The following ITSN2 variants were observed in gnomAD, a reference collection of about 807,000 sequenced individuals.
ITSN2 encodes the protein intersectin 2.
Under a neutral mutation model 243.7 loss-of-function variants are expected in ITSN2, and 156 were observed. The ratio of observed to expected loss-of-function variants is 0.64; its 90% CI spans 0.56 to 0.73. The LOEUF is 0.73. ITSN2 is among the 30% of genes least tolerant of loss of function. The pLI is 0.00. For missense variants in ITSN2, 1,801 were observed against 1,996.1 expected (o/e 0.90, Z 1.86); for synonymous variants, 703 against 699.9 (o/e 1.00, Z -0.07).
intron 16 of ITSN2, among the ~76,000 whole-genome samples, chr2:24,285,872 A>T (rs997555354): frequency 6.6e-6 from 1 of 152,218 alleles, no homozygotes; most frequent in Non-Finnish European, 1.5e-5. Context: ...CAAATTTTCC[A>T]TATTTCTCAT....
At chr2:24,322,079 CTTCT>C (rs1159997000) in intron 2 of ITSN2, among the ~76,000 whole-genome samples, 3 of 152,068 alleles carry the variant, frequency 2.0e-5, no homozygotes, top group Non-Finnish European at 4.4e-5. Context: ...GCTCATGTTC[CTTCT>C]AATTCAGATG....
chr2:24,210,737 A>G (rs375432130), intron 34 of ITSN2, 43 bp downstream of exon 34: 6 of 1,581,388 alleles, frequency 3.8e-6, no homozygotes, highest in Non-Finnish European at 3.5e-6. Context: ...TTCCCCACCC[A>G]GAGCCTCCCT....
chr2:24,300,320 T>A, intron 11 of ITSN2, 149 bp from the exon 12 acceptor site: 2 of 713,944 alleles, frequency 2.8e-6, no homozygotes, highest in Non-Finnish European at 2.2e-6. Flanking sequence ...CAAATCTAAG[T>A]GGAAAAATAT....
intron 23 of ITSN2, among the ~76,000 whole-genome samples, chr2:24,256,731 T>G (rs1383122194): frequency 6.6e-6 from 1 of 151,868 alleles, no homozygotes; most frequent in Non-Finnish European, 1.5e-5. Flanking sequence ...AGAACAGGCA[T>G]GAAGAAACTG....
intron 20 of ITSN2, among the ~76,000 whole-genome samples, chr2:24,262,180 C>T (rs185838203): frequency 3.9e-5 from 6 of 152,018 alleles, no homozygotes; most frequent in Admixed American, 3.3e-4. Context: ...GAAGATTGAC[C>T]TCTCTTTCAC....
intron 8 of ITSN2, among the ~76,000 whole-genome samples, chr2:24,305,427 C>A (rs1260533581): frequency 1.3e-5 from 2 of 151,962 alleles, no homozygotes; most frequent in East Asian, 1.9e-4. Flanking sequence ...CATGGCAAAA[C>A]CTGTCTCTAC....
intron 33 of ITSN2, among the ~76,000 whole-genome samples, chr2:24,212,047 C>A (rs540718383): frequency 6.6e-6 from 1 of 152,152 alleles, no homozygotes; most frequent in Admixed American, 6.5e-5. Context: ...AATGGTTAAT[C>A]GTGGGATAAT....
intron 29 of ITSN2, among the ~76,000 whole-genome samples, chr2:24,227,260 C>T (rs1388471683): frequency 7.2e-6 from 1 of 139,460 alleles, no homozygotes; most frequent in South Asian, 2.2e-4. Context: ...CACAGAAAAA[C>T]CAAGTCTCAT....
intron 19 of ITSN2, 53 bp downstream of exon 19, chr2:24,271,713 C>T: frequency 6.9e-7 from 1 of 1,456,634 alleles, no homozygotes; most frequent in Admixed American, 2.6e-5. Flanking sequence ...CTTATCAGGT[C>T]ATTTTTTTCT....
intron 29 of ITSN2, among the ~76,000 whole-genome samples, chr2:24,226,511 C>T (rs944752200): frequency 2.0e-5 from 3 of 152,174 alleles, no homozygotes; most frequent in African/African-American, 7.2e-5. Flanking sequence ...CAAAAATTGG[C>T]CAGGTATGGT....
chr2:24,271,798 T>A lies in ITSN2; in HGVS notation c.2225A>T (p.Asp742Val). Residue 742 changes from aspartate to valine, a missense_variant, in exon 19 of 40, where the codon GAT becomes GTT. Physicochemically the swap from Asp to Val is radical, Grantham distance 152 (BLOSUM62 -3). Transcript: ENST00000355123. The stretch of plus-strand genomic sequence containing the variant: ...CTCCTCAGCTTTCAAAGTATCCTTA[T>A]CCTTACGTTGTTTCTCCTCAGCTTT... ...ERKAEEKQRKDKDTLKAEEKK... is the reference protein window; with the variant it reads ...ERKAEEKQRKVKDTLKAEEKK... The A allele has an allele frequency of 6.2e-7, 1 of 1,604,746 alleles. No individual in the cohort carries two copies. The highest frequency in any genetic ancestry group is 8.5e-7 in the Non-Finnish European group (1 of 1,177,868).
intron 5 of ITSN2, 120 bp downstream of exon 5, chr2:24,312,092 A>C: frequency 1.3e-6 from 1 of 770,460 alleles, no homozygotes; most frequent in South Asian, 2.5e-5. Flanking sequence ...CTAACATGAA[A>C]ATTAACTTGG....
rs534993503 is a variant in ITSN2 at position 24,208,499 on chromosome 2, T to TA, written c.4596-181dup. 1.5e-3 allele frequency among the ~76,000 whole-genome samples: 227 copies of TA among 152,278 alleles called. 3 individuals are homozygous for TA. The highest frequency in any genetic ancestry group is 4.8e-3 in the African/African-American group (201 of 41,552). On this transcript the variant is annotated intron_variant, in intron 36 of 39. Coordinates refer to ENST00000355123, the MANE Select transcript of ITSN2 (RefSeq NM_006277.3). The stretch of plus-strand genomic sequence containing the variant: ...TATGCTAATGGAGTATGAGAGCTGG[T>TA]AGTGACCCTTCTTGGCTGACCACAA...
chr2:24,274,589 G>A (rs972772614), intron 18 of ITSN2, among the ~76,000 whole-genome samples: 2 of 152,052 alleles, frequency 1.3e-5, no homozygotes, highest in African/African-American at 4.8e-5. Context: ...TAAAGAAATG[G>A]GGGTCTAGGA....
chr2:24,334,020 G>A (rs1686071790), intron 1 of ITSN2, among the ~76,000 whole-genome samples: 2 of 151,970 alleles, frequency 1.3e-5, no homozygotes, highest in Non-Finnish European at 2.9e-5. Context: ...CTCTTAAGTA[G>A]CGGGGACTAC....
intron 31 of ITSN2, among the ~76,000 whole-genome samples, chr2:24,216,941 C>A (rs57065711): frequency 0.2 from 29,808 of 151,742 alleles, 3,373 homozygotes; most frequent in Non-Finnish European, 0.26. Flanking sequence ...AAAAATTAGC[C>A]GGGCGCAGTG....
At chr2:24,243,810 G>A (rs1224207416) in intron 29 of ITSN2, among the ~76,000 whole-genome samples, 2 of 152,114 alleles carry the variant, frequency 1.3e-5, no homozygotes, top group African/African-American at 4.8e-5. Context: ...GAGGCATGCT[G>A]TCTAATACAG....
chr2:24,205,371 A>G, intron 37 of ITSN2, 74 bp from the exon 38 acceptor site: 1 of 1,250,446 alleles, frequency 8.0e-7, no homozygotes, highest in Non-Finnish European at 1.2e-6. Context: ...ACCAACCATA[A>G]CACTACCGGC....
intron 29 of ITSN2, among the ~76,000 whole-genome samples, chr2:24,223,258 T>C (rs1186153032): frequency 6.6e-6 from 1 of 152,250 alleles, no homozygotes; most frequent in Non-Finnish European, 1.5e-5. Context: ...ACATTTTGTA[T>C]AGATCTGGGC....
Sources: allele counts gnomAD v4.1 joint callset (sites outside exome capture counted in the v4.1 genomes callset), GRCh38; gene constraint gnomAD v4.1.1; transcripts MANE v1.5; gene names NCBI Gene and HGNC (gene_info 2026-07-23, HGNC 2026-07-21).